ODF2: variants seen among roughly 807,000 people sequenced by gnomAD.
ODF2 encodes the protein outer dense fiber of sperm tails 2, also known as outer dense fiber protein 2.
ODF2 carries 47 observed loss-of-function variants against 110.2 expected under a neutral mutation model. The observed-to-expected ratio is 0.43, with a 90% CI of 0.34 to 0.54. The LOEUF is 0.54. Ranked by LOEUF, ODF2 falls within the 20% of genes least tolerant of loss-of-function variation. The pLI is 0.03. For missense variants in ODF2, 812 were observed against 1,054.5 expected, an observed-to-expected ratio of 0.77 and a Z score of 3.19; for synonymous variants, 352 against 397.7, an observed-to-expected ratio of 0.89 and a Z score of 1.37.
At chr9:128,481,585 T>G in exon 9 of ODF2, 2 of 1,613,472 alleles carry the variant, frequency 1.2e-6, no homozygotes, top group Non-Finnish European at 1.7e-6. Context: ...TGAAGGATTC[T>G]GAAAGACTAA....
intron 4 of ODF2, among the ~76,000 whole-genome samples, chr9:128,466,644 C>G (rs1837987813): frequency 7.0e-6 from 1 of 142,726 alleles, no homozygotes; most frequent in African/African-American, 2.6e-5. Context: ...CACACTTTCC[C>G]ATATATATAT....
intron 4 of ODF2, 144 bp from the exon 5 acceptor site, chr9:128,469,039 G>C: frequency 1.5e-6 from 1 of 649,238 alleles, no homozygotes; most frequent in South Asian, 2.1e-5. Flanking sequence ...TCCATCACAA[G>C]GGTTCAGAGT....
At chr9:128,456,111 G>T, upstream of ODF2, 1 of 1,547,258 alleles carries the variant, frequency 6.5e-7, no homozygotes, top group Non-Finnish European at 8.7e-7. Flanking sequence ...CTGCCGACCG[G>T]GTGTCGGAAA....
At chr9:128,499,153 G>T (rs368743829) in intron 20 of ODF2, 27 bp downstream of exon 20, 18 of 1,613,668 alleles carry the variant, frequency 1.1e-5, no homozygotes. Flanking sequence ...GGCCGGGCTA[G>T]GAGAGTGGGC....
chr9:128,471,194 G>A (rs1249793450), intron 5 of ODF2, 114 bp from the exon 6 acceptor site: 5 of 1,104,206 alleles, frequency 4.5e-6, no homozygotes, highest in Admixed American at 2.8e-5. Context: ...GATTACAGGC[G>A]TGAGCCACCA....
exon 4 of ODF2, chr9:128,461,045 G>C: frequency 1.2e-6 from 2 of 1,614,124 alleles, no homozygotes; most frequent in Non-Finnish European, 1.7e-6. Flanking sequence ...TCATCTGCCC[G>C]GCCTGTGGGA....
upstream of ODF2, chr9:128,456,137 G>A: frequency 6.5e-7 from 1 of 1,548,574 alleles, no homozygotes; most frequent in South Asian, 1.2e-5. Flanking sequence ...GCGGAAGCGG[G>A]GAGGAGCCGC....
chr9:128,486,720 C>T (rs1304434506), intron 13 of ODF2, among the ~76,000 whole-genome samples: 1 of 152,162 alleles, frequency 6.6e-6, no homozygotes, highest in Non-Finnish European at 1.5e-5. Context: ...TCTAAGTTGG[C>T]GTCTTTCTAT....
intron 7 of ODF2, 37 bp downstream of exon 7, chr9:128,473,079 G>A: frequency 6.2e-7 from 1 of 1,612,622 alleles, no homozygotes; most frequent in African/African-American, 1.3e-5. Flanking sequence ...CCATGGAACT[G>A]GCCTCGGGAG....
intron 14 of ODF2, among the ~76,000 whole-genome samples, chr9:128,490,725 C>T: frequency 6.6e-6 from 1 of 152,176 alleles, no homozygotes; most frequent in South Asian, 2.1e-4. Flanking sequence ...ACATATCAAG[C>T]ACACACACAT....
intron 5 of ODF2, 70 bp downstream of exon 5, chr9:128,469,423 G>A: frequency 6.5e-7 from 1 of 1,529,474 alleles, no homozygotes; most frequent in Non-Finnish European, 9.0e-7. Flanking sequence ...TGGATTTCCT[G>A]CCTGGTCCCT....
At chr9:128,461,453 C>T (rs908414133) in intron 4 of ODF2, 9 of 175,224 alleles carry the variant, frequency 5.1e-5, no homozygotes, top group Admixed American at 4.4e-4. Context: ...GAGCCTTGCT[C>T]TGTCGCCCAG....
chr9:128,484,655 C>G, intron 11 of ODF2, 46 bp from the exon 12 acceptor site: 1 of 1,545,934 alleles, frequency 6.5e-7, no homozygotes, highest in Non-Finnish European at 8.8e-7. Context: ...CCCACAACCT[C>G]CTTGTCTCTC....
intron 4 of ODF2, among the ~76,000 whole-genome samples, chr9:128,468,721 C>T (rs1838945773): frequency 1.3e-5 from 2 of 152,114 alleles, no homozygotes; most frequent in African/African-American, 2.4e-5. Flanking sequence ...GGGGTTTCAC[C>T]GTGTTGGTCA....
intron 4 of ODF2, among the ~76,000 whole-genome samples, chr9:128,465,453 A>G (rs1837590084): frequency 1.3e-5 from 2 of 152,134 alleles, no homozygotes; most frequent in Admixed American, 1.3e-4. Context: ...CTATTACTAA[A>G]AGTGATCAGC....
At chr9:128,469,990 A>C (rs1839328395) in intron 5 of ODF2, among the ~76,000 whole-genome samples, 5 of 30,004 alleles carry the variant, frequency 1.7e-4, no homozygotes, top group African/African-American at 6.6e-4. Context: ...TCTCAAAAAA[A>C]AAAAAAAAAA....
chr9:128,457,279 C>T (rs1020600462), exon 2 of ODF2: 10 of 1,603,232 alleles, frequency 6.2e-6, no homozygotes, highest in African/African-American at 4.0e-5. Context: ...TTCCACCCTT[C>T]TCCCCTCAGA....
chr9:128,459,148 A>G (rs951692668), intron 2 of ODF2, among the ~76,000 whole-genome samples: 16 of 151,980 alleles, frequency 1.1e-4, no homozygotes, highest in Non-Finnish European at 2.2e-4. Context: ...TGTGGCCACT[A>G]ATGCTCTATT....
intron 5 of ODF2, among the ~76,000 whole-genome samples, chr9:128,469,717 G>C (rs1437242460): frequency 6.6e-6 from 1 of 151,750 alleles, no homozygotes; most frequent in Non-Finnish European, 1.5e-5. Context: ...AAAACAGGCC[G>C]GGCATGGTGG....
Sources: gnomAD v4.1 joint callset for allele counts (sites outside exome capture counted in the v4.1 genomes callset) on GRCh38, gnomAD v4.1.1 for gene constraint, MANE v1.5 for transcripts, NCBI Gene and HGNC (gene_info 2026-07-23, HGNC 2026-07-21) for gene names.